Variants in PPFIA2 observed in about 807,000 individuals in gnomAD.
PPFIA2 encodes liprin-alpha-2.
PPFIA2 carries 46 observed loss-of-function variants against 175.5 expected under a neutral mutation model. The ratio of observed to expected loss-of-function variants is 0.26; its 90% CI spans 0.21 to 0.34. PPFIA2 has a LOEUF of 0.34. PPFIA2 is among the 10% of genes least tolerant of loss of function. The pLI is 1.00. For synonymous variants in PPFIA2, 568 were observed against 511.4 expected, an observed-to-expected ratio of 1.11 and a Z score of -1.49; for missense variants, 1,179 against 1,506.1, an observed-to-expected ratio of 0.78 and a Z score of 3.60.
chr12:81,288,744 C>T (rs2044112957), intron 24 of PPFIA2, among the ~76,000 whole-genome samples: 1 of 151,538 alleles, frequency 6.6e-6, no homozygotes, highest in African/African-American at 2.4e-5. Flanking sequence ...ATTCAAATGG[C>T]CTGGATCCAC....
At chr12:81,382,076 A>G (rs903668606) in intron 9 of PPFIA2, among the ~76,000 whole-genome samples, 12 of 152,168 alleles carry the variant, frequency 7.9e-5, no homozygotes, top group Admixed American at 2.6e-4. Context: ...AGGTGATAGA[A>G]AGTCCTGTGG....
At position 81,332,640 on chromosome 12, in the gene PPFIA2, T is replaced by C. The variant is rs187992014; in HGVS notation, c.2548+6540A>G. Among the ~76,000 whole-genome samples the C allele has an allele frequency of 1.3e-4, 20 of 152,344 alleles. No individual in the cohort carries two copies. In the East Asian group the frequency reaches 3.9e-3, roughly 29 times the overall value. On this transcript the variant is annotated intron_variant, in intron 21 of 32. Coordinates refer to ENST00000549396, the MANE Select transcript of PPFIA2 (RefSeq NM_003625.5). ...TTTATATGGGATATCCTCAAGATGTTATATACTTCTTGAATAATCGTATTT... is the reference window on the plus strand; with the variant it reads ...TTTATATGGGATATCCTCAAGATGTCATATACTTCTTGAATAATCGTATTT...
chr12:81,742,053 T>G (rs1160683170), intron 3 of PPFIA2, among the ~76,000 whole-genome samples: 1 of 152,126 alleles, frequency 6.6e-6, no homozygotes, highest in Non-Finnish European at 1.5e-5. Context: ...CTAAGGCAGT[T>G]GAATCCCTGA....
intron 4 of PPFIA2, among the ~76,000 whole-genome samples, chr12:81,659,298 G>A (rs763475333): frequency 6.6e-6 from 1 of 152,130 alleles, no homozygotes; most frequent in Non-Finnish European, 1.5e-5. Context: ...AGGGGTCAAG[G>A]AATTCCCTTT....
chr12:81,443,249 A>G (rs1290842320), intron 6 of PPFIA2, among the ~76,000 whole-genome samples: 1 of 152,022 alleles, frequency 6.6e-6, no homozygotes, highest in African/African-American at 2.4e-5. Context: ...TTAATTCAAG[A>G]TAAGAGGTAA....
chr12:81,466,787 C>G (rs1178858646), intron 4 of PPFIA2, among the ~76,000 whole-genome samples: 1 of 151,470 alleles, frequency 6.6e-6, no homozygotes, highest in African/African-American at 2.4e-5. Flanking sequence ...AATGGCTGTT[C>G]TGCTGCACTG....
intron 15 of PPFIA2, 81 bp from the exon 16 acceptor site, chr12:81,358,298 C>A: frequency 2.3e-6 from 3 of 1,299,466 alleles, no homozygotes; most frequent in Admixed American, 4.7e-5. Context: ...GTTTTACTGG[C>A]AATAAAGCAG....
At chr12:81,562,685 A>C (rs937609525) in intron 4 of PPFIA2, among the ~76,000 whole-genome samples, 1 of 150,724 alleles carries the variant, frequency 6.6e-6, no homozygotes, top group African/African-American at 2.4e-5. Flanking sequence ...GTCTCTACTA[A>C]AAATACAAAA....
intron 22 of PPFIA2, among the ~76,000 whole-genome samples, chr12:81,316,094 G>A (rs965544316): frequency 2.6e-5 from 4 of 151,406 alleles, no homozygotes; most frequent in Middle Eastern, 3.4e-3. Flanking sequence ...GTGTGTCTAC[G>A]AAAATATACT....
At chr12:81,671,378 A>T (rs2071386691) in intron 4 of PPFIA2, among the ~76,000 whole-genome samples, 1 of 151,830 alleles carries the variant, frequency 6.6e-6, no homozygotes, top group Non-Finnish European at 1.5e-5. Flanking sequence ...TAATTTTTTT[A>T]AAAAATAATG....
At chr12:81,571,342 A>G (rs1481034410) in intron 4 of PPFIA2, among the ~76,000 whole-genome samples, 1 of 152,132 alleles carries the variant, frequency 6.6e-6, no homozygotes, top group Non-Finnish European at 1.5e-5. Context: ...ACTAGTAAAC[A>G]AAAACAGGCA....
At chr12:81,578,750 T>C (rs1045627246) in intron 4 of PPFIA2, among the ~76,000 whole-genome samples, 1 of 151,764 alleles carries the variant, frequency 6.6e-6, no homozygotes, top group Non-Finnish European at 1.5e-5. Context: ...GGTTAGTAAA[T>C]GGTAGCATAT....
intron 4 of PPFIA2, among the ~76,000 whole-genome samples, chr12:81,592,375 T>C (rs1388034950): frequency 6.6e-6 from 1 of 152,114 alleles, no homozygotes; most frequent in African/African-American, 2.4e-5. Context: ...GAAGGCATGA[T>C]TGGTTTTAAA....
At chr12:81,526,634 T>C (rs1360416663) in intron 4 of PPFIA2, among the ~76,000 whole-genome samples, 13 of 152,228 alleles carry the variant, frequency 8.5e-5, no homozygotes, top group Admixed American at 7.9e-4. Flanking sequence ...GGATGTCAAA[T>C]AGCTGAATGG....
At chr12:81,424,554 T>C (rs2046822209) in intron 7 of PPFIA2, among the ~76,000 whole-genome samples, 1 of 152,204 alleles carries the variant, frequency 6.6e-6, no homozygotes, top group South Asian at 2.1e-4. Flanking sequence ...TTGTGTGTTC[T>C]AGAGTCTGCT....
rs1295949606 is a variant in PPFIA2, at chr12:81,368,797, A to G, written c.1410T>C (p.Asp470=). ...EHNKRLSDTV[D]RLLTESNERL... is the part of the protein sequence containing the mutation. ...GTTCATTGGATTCAGTCAGAAGTCT[A>G]TCAACCGTATCCGATAATCTCTTGT... The change falls in exon 13 of 33, where the codon GAT becomes GAC. Residue 470 remains aspartate (D), a synonymous_variant. Transcript: ENST00000549396. 4.3e-6 allele frequency: 7 copies of G among 1,610,596 alleles called. No homozygotes were observed. The highest frequency in any genetic ancestry group is 5.9e-6 in the Non-Finnish European group (7 of 1,177,582).
intron 4 of PPFIA2, among the ~76,000 whole-genome samples, chr12:81,630,474 A>G (rs1412409252): frequency 6.6e-6 from 1 of 152,206 alleles, no homozygotes; most frequent in Non-Finnish European, 1.5e-5. Context: ...GAAGTATATG[A>G]TGAAGAATTC....
intron 30 of PPFIA2, among the ~76,000 whole-genome samples, chr12:81,265,184 T>C (rs1272423167): frequency 6.8e-6 from 1 of 147,986 alleles, no homozygotes; most frequent in Non-Finnish European, 1.5e-5. Flanking sequence ...TCCCAGCTAC[T>C]TGGGAGGCTC....
At chr12:81,413,807 T>C (rs1002299792) in intron 7 of PPFIA2, among the ~76,000 whole-genome samples, 2 of 151,776 alleles carry the variant, frequency 1.3e-5, no homozygotes, top group Admixed American at 6.6e-5. Flanking sequence ...TTTCTGCCAA[T>C]AGAATTTTCC....
Sources: allele counts gnomAD v4.1 joint callset (sites outside exome capture counted in the v4.1 genomes callset), GRCh38; gene constraint gnomAD v4.1.1; transcripts MANE v1.5; gene names NCBI Gene and HGNC (gene_info 2026-07-23, HGNC 2026-07-21).